Variants in ZMAT4 observed in about 807,000 individuals in gnomAD.
ZMAT4 encodes zinc finger matrin-type 4.
Under a neutral mutation model 28.7 loss-of-function variants are expected in ZMAT4, and 17 were observed. The ratio of observed to expected loss-of-function variants is 0.59; its 90% confidence interval spans 0.41 to 0.89. The LOEUF is 0.89. ZMAT4 is among the 40% of genes least tolerant of loss of function. ZMAT4 has a pLI of 0.00. For synonymous variants in ZMAT4, 117 were observed against 109.2 expected (o/e 1.07, Z -0.44); for missense variants, 240 against 283.8 (o/e 0.85, Z 1.11).
intron 5 of ZMAT4, among the ~76,000 whole-genome samples, chr8:40,666,298 T>C (rs1035058812): frequency 6.6e-5 from 10 of 152,200 alleles, no homozygotes; most frequent in Non-Finnish European, 1.2e-4. Flanking sequence ...AAGACTTTTT[T>C]CTTATTAATT....
chr8:40,742,961 T>C (rs1473723722), intron 3 of ZMAT4, among the ~76,000 whole-genome samples: 2 of 152,010 alleles, frequency 1.3e-5, no homozygotes, highest in African/African-American at 4.8e-5. Flanking sequence ...CCTGTAATCC[T>C]AGCACTTTGG....
rs944445330 is a variant in ZMAT4 at position 40,556,203 on chromosome 8, C to T, written c.675-23965G>A. ...CACCCATGCTCATGGTTTTAACTAC[C>T]GCTAGATGAGAATTCTCAAATCTTG... On this transcript the variant is annotated intron_variant, in intron 6 of 6. Transcript: ENST00000297737. Among the ~76,000 whole-genome samples, 8 of 152,180 alleles carry T rather than the reference C, an allele frequency of 5.3e-5. No individual in the cohort carries two copies. The South Asian group carries it at 6.2e-4, about 12-fold the overall frequency.
intron 6 of ZMAT4, among the ~76,000 whole-genome samples, chr8:40,550,934 G>A (rs1482347737): frequency 6.6e-6 from 1 of 152,124 alleles, no homozygotes; most frequent in African/African-American, 2.4e-5. Context: ...TATATAATAG[G>A]AGAATATCAT....
chr8:40,716,332 C>A (rs370771065), intron 3 of ZMAT4, among the ~76,000 whole-genome samples: 1 of 152,136 alleles, frequency 6.6e-6, no homozygotes, highest in African/African-American at 2.4e-5. Context: ...CAGCCCCATG[C>A]TAAAGAATGC....
intron 5 of ZMAT4, 55 bp downstream of exon 5, chr8:40,674,649 C>A: frequency 7.1e-7 from 1 of 1,402,468 alleles, no homozygotes; most frequent in Non-Finnish European, 1.0e-6. Context: ...GTGAAAGCCG[C>A]ATCTTTTCTC....
chr8:40,681,708 T>C (rs1809172484), intron 4 of ZMAT4, among the ~76,000 whole-genome samples: 4 of 152,258 alleles, frequency 2.6e-5, no homozygotes, highest in Non-Finnish European at 5.9e-5. Flanking sequence ...TGGTGACTTT[T>C]AATATCAACT....
intron 2 of ZMAT4, among the ~76,000 whole-genome samples, chr8:40,795,487 C>G (rs1814558129): frequency 6.6e-6 from 1 of 152,164 alleles, no homozygotes; most frequent in Non-Finnish European, 1.5e-5. Context: ...TACAGAAATT[C>G]AATTCAGAGC....
chr8:40,554,191 A>T (rs890543537), intron 6 of ZMAT4, among the ~76,000 whole-genome samples: 1 of 152,142 alleles, frequency 6.6e-6, no homozygotes, highest in African/African-American at 2.4e-5. Context: ...GGTCACTTAA[A>T]GTTTTTTGTG....
intron 6 of ZMAT4, among the ~76,000 whole-genome samples, chr8:40,564,718 A>G (rs1417393591): frequency 6.6e-6 from 1 of 152,192 alleles, no homozygotes; most frequent in Non-Finnish European, 1.5e-5. Flanking sequence ...ACATTTTGGA[A>G]TGATATTCAT....
chr8:40,756,284 G>T (rs1812673389), intron 3 of ZMAT4, among the ~76,000 whole-genome samples: 1 of 151,706 alleles, frequency 6.6e-6, no homozygotes, highest in African/African-American at 2.4e-5. Context: ...GTGGAGAAAG[G>T]TGCTCCAGGA....
chr8:40,756,366 T>C (rs1206870595), intron 3 of ZMAT4, among the ~76,000 whole-genome samples: 1 of 144,348 alleles, frequency 6.9e-6, no homozygotes, highest in South Asian at 2.2e-4. Context: ...GCAACACTTA[T>C]CAAAATTATA....
At chr8:40,799,767 A>C (rs1036408797) in intron 2 of ZMAT4, among the ~76,000 whole-genome samples, 14 of 152,296 alleles carry the variant, frequency 9.2e-5, no homozygotes, top group African/African-American at 3.4e-4. Context: ...AAGTGAAATG[A>C]ATGAAAGCAA....
chr8:40,844,247 A>T (rs6992115), intron 1 of ZMAT4, among the ~76,000 whole-genome samples: 1 of 152,034 alleles, frequency 6.6e-6, no homozygotes, highest in Non-Finnish European at 1.5e-5. Context: ...CTGGTAAAAC[A>T]GTATTTCTGG....
At chr8:40,715,449 T>G (rs967904153) in intron 3 of ZMAT4, among the ~76,000 whole-genome samples, 1 of 152,126 alleles carries the variant, frequency 6.6e-6, no homozygotes, top group Non-Finnish European at 1.5e-5. Flanking sequence ...AAACAAAACC[T>G]GAAAGGCAAG....
chr8:40,803,421 A>C (rs1814939871), intron 2 of ZMAT4, among the ~76,000 whole-genome samples: 1 of 152,202 alleles, frequency 6.6e-6, no homozygotes, highest in African/African-American at 2.4e-5. Flanking sequence ...CCACTAAAAA[A>C]TGGGCCAAAG....
chr8:40,797,275 C>T (rs756299378), intron 2 of ZMAT4, among the ~76,000 whole-genome samples: 12 of 152,286 alleles, frequency 7.9e-5, no homozygotes, highest in South Asian at 2.1e-4. Flanking sequence ...GTGCCTCTGC[C>T]GGTGCACTTA....
chr8:40,572,311 T>A (rs1804124556), intron 6 of ZMAT4, among the ~76,000 whole-genome samples: 1 of 152,162 alleles, frequency 6.6e-6, no homozygotes. Context: ...GAGGCTTTTG[T>A]CATGAGGATT....
At chr8:40,836,100 T>A (rs968374425) in intron 1 of ZMAT4, among the ~76,000 whole-genome samples, 2 of 152,210 alleles carry the variant, frequency 1.3e-5, no homozygotes, top group Admixed American at 1.3e-4. Flanking sequence ...CCTTTCAGAT[T>A]TCAGAGCTGG....
intron 1 of ZMAT4, among the ~76,000 whole-genome samples, chr8:40,863,114 G>A (rs911827417): frequency 2.6e-5 from 4 of 152,154 alleles, no homozygotes; most frequent in African/African-American, 9.7e-5. Flanking sequence ...AAGACCGGAG[G>A]CTGGAATAGC....
Sources: allele counts gnomAD v4.1 joint callset (sites outside exome capture counted in the v4.1 genomes callset), GRCh38; gene constraint gnomAD v4.1.1; transcripts MANE v1.5; gene names NCBI Gene and HGNC (gene_info 2026-07-23, HGNC 2026-07-21).